The following SEMA4F variants were observed in gnomAD, a reference collection of about 807,000 sequenced individuals.
SEMA4F encodes semaphorin-4F.
In SEMA4F, 51 loss-of-function variants were observed where a neutral mutation model predicts 78.4. The ratio of observed to expected loss-of-function variants is 0.65; its 90% CI spans 0.52 to 0.82. The LOEUF (loss-of-function observed/expected upper bound fraction) is 0.82, where lower values mean the gene tolerates loss of function less well. Ranked by LOEUF, SEMA4F falls within the 40% of genes least tolerant of loss-of-function variation. The pLI, the probability that SEMA4F is intolerant of heterozygous loss-of-function variation, is 0.00. For missense variants in SEMA4F, 938 were observed against 1,014.4 expected (o/e 0.92, Z 1.02); for synonymous variants, 418 against 408.7 (o/e 1.02, Z -0.27).
the SEMA4F span, among the ~76,000 whole-genome samples, chr2:74,691,425 T>A: frequency 6.6e-6 from 1 of 152,194 alleles, no homozygotes; most frequent in Non-Finnish European, 1.5e-5. Context: ...TCGGGGAGCA[T>A]GCTGAAGGTG....
chr2:74,671,013 C>A (rs1353110973), intron 5 of SEMA4F, among the ~76,000 whole-genome samples: 1 of 137,738 alleles, frequency 7.3e-6, no homozygotes, highest in Non-Finnish European at 1.5e-5. Flanking sequence ...TTATTTAACC[C>A]TTAGCACTAT....
rs758957709 is a variant in SEMA4F, at chr2:74,679,731, A to G, written c.1835A>G (p.Asp612Gly). 1.4e-5 allele frequency: 22 copies of G among 1,613,926 alleles called. No individual in the cohort carries two copies. Among genetic ancestry groups the G allele is most frequent in the Admixed American group, 3.3e-5 (2 of 59,992 alleles). ...GTGACTGCACTCACCCCCCGGCGGG[A>G]TGGACTGGAGGTGGTGGTGACCCCA... ...SGVTALTPRR[D>G]GLEVVVTPGA... Residue 612 changes from aspartate (D) to glycine (G), a missense_variant, in exon 14 of 14, where the codon GAT becomes GGT. Physicochemically the swap from Asp to Gly is moderately conservative, Grantham distance 94. Transcript: ENST00000357877.
the SEMA4F span, among the ~76,000 whole-genome samples, chr2:74,699,461 A>G: frequency 9.8e-5 from 15 of 152,338 alleles, no homozygotes; most frequent in South Asian, 1.7e-3. Context: ...TGAGTTTGCA[A>G]TGCCTCAGGG....
At position 74,665,920 on chromosome 2, in the gene SEMA4F, T is replaced by G. The variant is rs1684673572; in HGVS notation, c.550+3095T>G. 2.0e-5 allele frequency among the ~76,000 whole-genome samples: 3 copies of G among 151,958 alleles called. 1 individual carries two copies. The East Asian group carries it at 5.8e-4, about 29-fold the overall frequency. On this transcript the variant is annotated intron_variant, in intron 5 of 13. Transcript: ENST00000357877. The stretch of plus-strand genomic sequence containing the variant: ...AATTTTTGTTTTTTTTTTTTTTTGT[T>G]TTTTTGAGACGGAGTCTCGCTCTGT...
chr2:74,708,294 A>G, the SEMA4F span, among the ~76,000 whole-genome samples: 651 of 152,322 alleles, frequency 4.3e-3, 5 homozygotes, highest in African/African-American at 0.015. Context: ...ATTACCAGGT[A>G]TGAGAAGAAG....
At chr2:74,705,145 C>G in the SEMA4F span, among the ~76,000 whole-genome samples, 1 of 152,198 alleles carries the variant, frequency 6.6e-6, no homozygotes, top group African/African-American at 2.4e-5. Context: ...AATTAAATAC[C>G]ATTTCCCCAT....
intron 12 of SEMA4F, among the ~76,000 whole-genome samples, chr2:74,677,226 G>T (rs900686312): frequency 1.3e-5 from 2 of 152,254 alleles, no homozygotes; most frequent in African/African-American, 2.4e-5. Context: ...ACATTTTATT[G>T]TGGGAAAGTT....
chr2:74,695,068 A>ATT, the SEMA4F span, among the ~76,000 whole-genome samples: 1 of 152,030 alleles, frequency 6.6e-6, no homozygotes, highest in African/African-American at 2.4e-5. Context: ...TGGGAGGAGA[A>ATT]TTTTTTTTAT....
At chr2:74,672,391 C>T (rs1685031186) in intron 5 of SEMA4F, among the ~76,000 whole-genome samples, 1 of 152,176 alleles carries the variant, frequency 6.6e-6, no homozygotes, top group South Asian at 2.1e-4. Context: ...TGGTCTGTGC[C>T]TCCCGGAATC....
chr2:74,691,628 C>G, the SEMA4F span, among the ~76,000 whole-genome samples: 1 of 152,166 alleles, frequency 6.6e-6, no homozygotes, highest in Admixed American at 6.5e-5. Context: ...TTCCCTTTTC[C>G]TAGTTTGCTT....
At chr2:74,673,011 G>A (rs537128081) in intron 5 of SEMA4F, among the ~76,000 whole-genome samples, 2 of 152,100 alleles carry the variant, frequency 1.3e-5, no homozygotes, top group Non-Finnish European at 1.5e-5. Flanking sequence ...AGCAGTGTAC[G>A]CCCACTAATG....
the SEMA4F span, among the ~76,000 whole-genome samples, chr2:74,707,026 C>T: frequency 6.6e-6 from 1 of 152,124 alleles, no homozygotes; most frequent in African/African-American, 2.4e-5. Context: ...CTGCATTTAA[C>T]TAACTAGGAA....
chr2:74,669,903 A>G (rs943624110), intron 5 of SEMA4F, among the ~76,000 whole-genome samples: 11 of 151,752 alleles, frequency 7.2e-5, no homozygotes, highest in African/African-American at 1.9e-4. Flanking sequence ...TTTTTGCACT[A>G]TAAAAGTAAA....
rs1198584281 is a variant in SEMA4F at position 74,680,968 on chromosome 2, G to C, written c.*759G>C. ...CACAACCTTACTCTAAATTTGAGTA[G>C]AGAAAAGCTCCTAAAGTGACCTTCC... On this transcript the variant is annotated 3_prime_UTR_variant, in exon 14 of 14. Transcript: ENST00000357877. 6.6e-6 allele frequency: 1 copy of C among 152,610 alleles called. No individual in the cohort carries two copies. The highest frequency in any genetic ancestry group is 2.4e-5 in the African/African-American group (1 of 41,440). 9.5% of individuals were successfully genotyped at this position (152,610 alleles called of 1,614,324 possible).
In SEMA4F at chr2:74,654,402, G is replaced by A. The variant is rs774521956; in HGVS notation, c.26G>A (p.Arg9His). The A allele has an allele frequency of 6.5e-7, 1 of 1,528,694 alleles. No individual in the cohort carries two copies. The highest frequency in any genetic ancestry group is 8.7e-7 in the Non-Finnish European group (1 of 1,145,986). 94.7% of individuals were successfully genotyped at this position (1,528,694 alleles called of 1,614,324 possible). A position where few individuals can be genotyped will look rare whatever the true frequency, so the allele number is the denominator to read the frequency against. The change falls in exon 1 of 14, where the codon CGC becomes CAC. Residue 9 changes from arginine to histidine, a missense_variant. Physicochemically the swap from Arg to His is conservative, Grantham distance 29. Coordinates refer to ENST00000357877, the MANE Select transcript of SEMA4F (RefSeq NM_004263.5). MPASAARP[R>H]PGPGQPTASP... is the part of the protein sequence containing the mutation. ...ATGCCGGCCTCTGCTGCGCGGCCCC[G>A]CCCGGGTCCCGGGCAGCCTACAGCC...
chr2:74,685,759 G>A (rs1415648571), downstream of SEMA4F, among the ~76,000 whole-genome samples: 3 of 152,146 alleles, frequency 2.0e-5, no homozygotes, highest in African/African-American at 7.2e-5. Flanking sequence ...GTTAGATATA[G>A]ACAGTGACCT....
At chr2:74,691,544 C>T in the SEMA4F span, among the ~76,000 whole-genome samples, 4 of 152,156 alleles carry the variant, frequency 2.6e-5, no homozygotes, top group Non-Finnish European at 4.4e-5. Flanking sequence ...TTGGAGGTCT[C>T]GTACTTTTCC....
At chr2:74,666,083 T>G (rs1408498311) in intron 5 of SEMA4F, among the ~76,000 whole-genome samples, 1 of 152,088 alleles carries the variant, frequency 6.6e-6, no homozygotes, top group African/African-American at 2.4e-5. Flanking sequence ...AATTTTTGTA[T>G]TTTTAGTAGA....
rs1289867544 is a variant in SEMA4F at position 74,679,645 on chromosome 2, G to A, written c.1749G>A (p.Val583=). The A allele has an allele frequency of 6.2e-7, 1 of 1,611,672 alleles. No homozygotes were observed. Among genetic ancestry groups the A allele is most frequent in the Non-Finnish European group, 8.5e-7 (1 of 1,178,698 alleles). Residue 583 remains valine, a synonymous_variant, in exon 14 of 14, where the codon GTG becomes GTA. Coordinates refer to ENST00000357877, the MANE Select transcript of SEMA4F (RefSeq NM_004263.5). The stretch of plus-strand genomic sequence containing the variant: ...TTCCCGTGGCTACAGCTGCGCATGT[G>A]GTCTTGCCATGTTCTCCAAGCTCAG... The part of the protein sequence containing the change: ...FEVPVATAAH[V]VLPCSPSSAW...
Sources: gnomAD v4.1 joint callset for allele counts (sites outside exome capture counted in the v4.1 genomes callset) on GRCh38, gnomAD v4.1.1 for gene constraint, MANE v1.5 for transcripts, NCBI Gene and HGNC (gene_info 2026-07-23, HGNC 2026-07-21) for gene names.